Variants in ATAD2B observed in about 807,000 individuals in gnomAD.
ATAD2B encodes ATPase family AAA domain containing 2B, also known as ATPase family AAA domain-containing protein 2B.
Under a neutral mutation model 167.6 loss-of-function variants are expected in ATAD2B, and 40 were observed. The ratio of observed to expected loss-of-function variants is 0.24; its 90% CI spans 0.19 to 0.31. ATAD2B has a LOEUF of 0.31. Among genes scored for constraint, ATAD2B ranks in the 10% least tolerant of loss-of-function variants. The pLI is 1.00. For missense variants in ATAD2B, 1,242 were observed against 1,757.2 expected (o/e 0.71, Z 5.24); for synonymous variants, 579 against 596.5 (o/e 0.97, Z 0.43).
intron 22 of ATAD2B, among the ~76,000 whole-genome samples, chr2:23,776,116 A>AAAATAAAT (rs926760570): frequency 2.0e-5 from 3 of 152,156 alleles, no homozygotes; most frequent in Non-Finnish European, 4.4e-5. Context: ...CTCCGTCTCA[A>AAAATAAAT]AAATAAATAA....
chr2:23,678,083 C>A, the ATAD2B span, among the ~76,000 whole-genome samples: 1 of 152,222 alleles, frequency 6.6e-6, no homozygotes, highest in Non-Finnish European at 1.5e-5. Context: ...CCCTTATAGG[C>A]CAGCCAGAAC....
intron 19 of ATAD2B, among the ~76,000 whole-genome samples, chr2:23,795,151 T>C (rs1042003451): frequency 4.6e-5 from 7 of 152,184 alleles, no homozygotes; most frequent in Admixed American, 6.5e-5. Flanking sequence ...ATGGAAGATA[T>C]AGAAAATAAA....
At chr2:23,805,103 A>G (rs1377080718) in intron 18 of ATAD2B, among the ~76,000 whole-genome samples, 2 of 151,538 alleles carry the variant, frequency 1.3e-5, no homozygotes, top group Non-Finnish European at 2.9e-5. Context: ...AGATCACGCT[A>G]TTGTACTCCA....
chr2:23,682,042 T>G, the ATAD2B span, among the ~76,000 whole-genome samples: 4 of 151,606 alleles, frequency 2.6e-5, no homozygotes, highest in African/African-American at 9.7e-5. The surrounding 1 kb of genome is among the most constrained non-coding windows in gnomAD (Gnocchi z 4.1). Context: ...ACAACTGATC[T>G]TCTTGTTCCC....
intron 1 of ATAD2B, among the ~76,000 whole-genome samples, chr2:23,924,075 C>G (rs1208023364): frequency 2.0e-5 from 3 of 146,354 alleles, no homozygotes; most frequent in Non-Finnish European, 4.5e-5. Flanking sequence ...CCCAGCTACT[C>G]GGGAGGCTGA....
At chr2:23,685,146 G>C in the ATAD2B span, 2 of 152,464 alleles carry the variant, frequency 1.3e-5, no homozygotes, top group Non-Finnish European at 2.9e-5. Flanking sequence ...GACCAGGTGT[G>C]TCCTAAACAC....
chr2:23,820,227 G>T (rs1457630890), intron 16 of ATAD2B, among the ~76,000 whole-genome samples: 1 of 151,938 alleles, frequency 6.6e-6, no homozygotes, highest in East Asian at 1.9e-4. Context: ...ACCAAAACCA[G>T]TCCATTTCAT....
chr2:23,728,628 A>T, the ATAD2B span, among the ~76,000 whole-genome samples: 4 of 152,352 alleles, frequency 2.6e-5, no homozygotes, highest in Admixed American at 2.6e-4. Flanking sequence ...TTTTGAAAAC[A>T]ATATTTACAC....
rs1439689526 is a variant in ATAD2B, at chr2:23,749,813, CTTAA to C, written c.*2229_*2232del. On this transcript the variant is annotated 3_prime_UTR_variant, in exon 28 of 28. Coordinates refer to ENST00000238789, the MANE Select transcript of ATAD2B (RefSeq NM_017552.4). ...TTTCAAACTCACTGATGGCTAAAAT[CTTAA>C]TTAATTGTACAAATTTAGTAACCTA... 1 of 151,958 alleles carries C rather than the reference CTTAA, an allele frequency of 6.6e-6. No homozygotes were observed. The highest frequency in any genetic ancestry group is 2.1e-4 in the South Asian group (1 of 4,824). 9.4% of individuals were successfully genotyped at this position (151,958 alleles called of 1,614,324 possible).
chr2:23,757,429 A>G lies in ATAD2B; in HGVS notation c.4067T>C (p.Leu1356Pro), dbSNP rs1237238981. 6.7e-7 allele frequency: 1 copy of G among 1,491,566 alleles called. No homozygotes were observed. The highest frequency in any genetic ancestry group is 1.5e-5 in the South Asian group (1 of 68,024). The allele number at this position is 1,491,566 out of a possible 1,614,324, so 92.4% of individuals were successfully genotyped here. A position where few individuals can be genotyped will look rare whatever the true frequency, so the allele number is the denominator to read the frequency against. The change falls in exon 25 of 28, where the codon CTG (leucine) becomes CCG (proline). Residue 1356 changes from leucine to proline, a missense_variant. Transcript: ENST00000238789. ...GSDVEVKDAE[L>P]DKEGASKVKK... ...AATATTAGCTCTACCTTCTTTATCC[A>G]GTTCTGCATCTTTAACCTCCACATC...
At chr2:23,775,370 T>C (rs1678940598) in intron 22 of ATAD2B, among the ~76,000 whole-genome samples, 1 of 151,820 alleles carries the variant, frequency 6.6e-6, no homozygotes, top group Non-Finnish European at 1.5e-5. Flanking sequence ...CACACCACCA[T>C]GCCCAGCTAA....
intron 1 of ATAD2B, among the ~76,000 whole-genome samples, chr2:23,904,883 C>T (rs1457506812): frequency 1.3e-5 from 2 of 151,932 alleles, no homozygotes; most frequent in Non-Finnish European, 2.9e-5. Context: ...ACCATGACTG[C>T]AAAAAACAAA....
rs759713675 is a variant in ATAD2B, at chr2:23,875,903, T to C, written c.903A>G (p.Val301=). 5 of 1,597,270 alleles carry C rather than the reference T, an allele frequency of 3.1e-6. No individual in the cohort carries two copies. In the Admixed American group the frequency reaches 6.8e-5, roughly 22 times the overall value. ...TVDRYQAPPI[V]PAHQKKRENT... ...TTTCCCTCTTTTTTTGATGAGCTGG[T>C]ACTAAAAGGGAAGAAAAGGATAATA... The change falls in exon 8 of 28, where the codon GTA becomes GTG. Residue 301 remains valine, a splice_region_variant and synonymous_variant. Coordinates refer to ENST00000238789, the MANE Select transcript of ATAD2B (RefSeq NM_017552.4).
At chr2:23,741,714 A>C in the ATAD2B span, among the ~76,000 whole-genome samples, 3 of 152,172 alleles carry the variant, frequency 2.0e-5, no homozygotes, top group African/African-American at 7.2e-5. Flanking sequence ...GGATCTAATT[A>C]AACTAAAGAG....
At chr2:23,678,665 G>A in the ATAD2B span, among the ~76,000 whole-genome samples, 9 of 152,164 alleles carry the variant, frequency 5.9e-5, no homozygotes, top group African/African-American at 1.4e-4. Context: ...CAACCCAAGC[G>A]TCCATCAAAG....
chr2:23,710,519 G>A, the ATAD2B span, among the ~76,000 whole-genome samples: 2 of 152,180 alleles, frequency 1.3e-5, no homozygotes, highest in East Asian at 1.9e-4. Flanking sequence ...TGAGGCAGAC[G>A]CCGGGTATCA....
At chr2:23,762,537 A>G (rs1325014424) in intron 23 of ATAD2B, among the ~76,000 whole-genome samples, 191 bp from the exon 24 acceptor site, 1 of 152,258 alleles carries the variant, frequency 6.6e-6, no homozygotes, top group Non-Finnish European at 1.5e-5. Context: ...AATCATAAAA[A>G]TAAAACAATC....
the ATAD2B span, chr2:23,689,025 C>G: frequency 6.5e-6 from 1 of 153,202 alleles, no homozygotes; most frequent in Non-Finnish European, 1.5e-5. Context: ...CGCCCCCACC[C>G]CCTCACAGCT....
the ATAD2B span, among the ~76,000 whole-genome samples, chr2:23,742,319 G>A: frequency 6.6e-6 from 1 of 151,898 alleles, no homozygotes; most frequent in Non-Finnish European, 1.5e-5. Flanking sequence ...GTCCAACAAC[G>A]ATAGACTGGA....
Sources: allele counts gnomAD v4.1 joint callset (sites outside exome capture counted in the v4.1 genomes callset), GRCh38; gene constraint gnomAD v4.1.1; non-coding constraint Gnocchi (gnomAD v3.1); transcripts MANE v1.5; gene names NCBI Gene and HGNC (gene_info 2026-07-23, HGNC 2026-07-21).